RAB39A: variants seen among roughly 807,000 people sequenced by gnomAD.
RAB39A encodes RAB39A, member RAS oncogene family.
A neutral mutation model predicts 20.9 loss-of-function variants in RAB39A; 17 were observed. The observed-to-expected ratio is 0.81, with a 90% CI of 0.56 to 1.22. The LOEUF is 1.22. Ranked by LOEUF, RAB39A falls within the 50% of genes most tolerant of loss-of-function variation. RAB39A has a pLI of 0.00. For missense variants in RAB39A, 234 were observed against 270.5 expected, an observed-to-expected ratio of 0.87 and a Z score of 0.95; for synonymous variants, 99 against 103.4, an observed-to-expected ratio of 0.96 and a Z score of 0.26.
intron 1 of RAB39A, among the ~76,000 whole-genome samples, chr11:107,951,256 G>A (rs1861375950): frequency 6.6e-6 from 1 of 152,222 alleles, no homozygotes; most frequent in Non-Finnish European, 1.5e-5. Context: ...TGAAAACAGT[G>A]CTGAGGGCCA....
rs184098020 is a variant in RAB39A, at chr11:107,933,435, G to T, written c.227+4640G>T. ...TCACTCTGTCACCTGGGGCTGGAGT[G>T]CAGTGAAACGATCGGCTCACTGCAA... On this transcript the variant is annotated intron_variant, in intron 1 of 1. Transcript: ENST00000320578. 1.6e-3 allele frequency among the ~76,000 whole-genome samples: 198 copies of T among 125,206 alleles called. 2 individuals carry two copies. The highest frequency in any genetic ancestry group is 5.4e-3 in the African/African-American group (182 of 33,974). The allele number at this position is 125,206 out of a possible 152,430, so 82.1% of individuals were successfully genotyped here. A position where few individuals can be genotyped will look rare whatever the true frequency, so the allele number is the denominator to read the frequency against.
chr11:107,950,435 T>C (rs538417395), intron 1 of RAB39A, among the ~76,000 whole-genome samples: 4 of 152,148 alleles, frequency 2.6e-5, no homozygotes, highest in African/African-American at 4.8e-5. Flanking sequence ...GACTCATGCA[T>C]GCCCAGTGCA....
Position 107,951,744 on chromosome 11 carries a change from C to G in RAB39A, c.228-10202C>G, listed in dbSNP as rs1241219283. On this transcript the variant is annotated intron_variant, in intron 1 of 1. Coordinates refer to ENST00000320578, the MANE Select transcript of RAB39A (RefSeq NM_017516.3). ...AAGCGATCCTGCCACCTCGGACTCC[C>G]AAAGTACTGGGATTATAGGTCTGAG... Among the ~76,000 whole-genome samples, 9 of 151,486 alleles carry G rather than the reference C, an allele frequency of 5.9e-5. No homozygotes were observed. The South Asian group carries it at 1.5e-3, about 25-fold the overall frequency.
In RAB39A at chr11:107,962,648, A is replaced by T; in HGVS notation, c.*276A>T. On this transcript the variant is annotated 3_prime_UTR_variant, in exon 2 of 2. Coordinates refer to ENST00000320578, the MANE Select transcript of RAB39A (RefSeq NM_017516.3). ...CATACGCTGACCTTAGTGTCCAGATATGTCACTATTACTCATTTTTCTTGA... is the reference window on the plus strand; with the variant it reads ...CATACGCTGACCTTAGTGTCCAGATTTGTCACTATTACTCATTTTTCTTGA... 1 of 299,462 alleles carries T rather than the reference A, an allele frequency of 3.3e-6. No individual in the cohort carries two copies. The highest frequency in any genetic ancestry group is 6.2e-6 in the Non-Finnish European group (1 of 160,958). 18.6% of individuals were successfully genotyped at this position (299,462 alleles called of 1,614,324 possible). A position where few individuals can be genotyped will look rare whatever the true frequency, so the allele number is the denominator to read the frequency against.
In RAB39A at chr11:107,948,908, A is replaced by G. The variant is rs564986600; in HGVS notation, c.228-13038A>G. Among the ~76,000 whole-genome samples the G allele has an allele frequency of 5.9e-5, 9 of 152,262 alleles. No homozygotes were observed. In the South Asian group the frequency reaches 1.9e-3, roughly 32 times the overall value. ...TCGTTGTTGAGCCCTGGAGTACGCT[A>G]TGACTTTCTTTTCCTTTCCTGCACA... is the stretch of plus-strand genomic sequence containing the variant. On this transcript the variant is annotated intron_variant, in intron 1 of 1. Coordinates refer to ENST00000320578, the MANE Select transcript of RAB39A (RefSeq NM_017516.3).
chr11:107,929,432 A>T (rs1462319701), intron 1 of RAB39A, among the ~76,000 whole-genome samples: 1 of 152,000 alleles, frequency 6.6e-6, no homozygotes, highest in African/African-American at 2.4e-5. Context: ...ACCCGTGGGA[A>T]TGGGTCTTGT....
chr11:107,954,611 A>T (rs1433953036), intron 1 of RAB39A, among the ~76,000 whole-genome samples: 4 of 152,220 alleles, frequency 2.6e-5, no homozygotes, highest in African/African-American at 9.6e-5. Flanking sequence ...TTCTCCATTG[A>T]GCGTGGCTTA....
At chr11:107,935,882 C>T (rs191954474) in intron 1 of RAB39A, among the ~76,000 whole-genome samples, 216 of 148,252 alleles carry the variant, frequency 1.5e-3, no homozygotes, top group African/African-American at 5.2e-3. Flanking sequence ...GGGAACGCAG[C>T]CCAGCAAGTC....
intron 1 of RAB39A, among the ~76,000 whole-genome samples, chr11:107,936,242 G>C (rs905095795): frequency 6.6e-6 from 1 of 152,136 alleles, no homozygotes; most frequent in East Asian, 1.9e-4. Context: ...ACTCTGGTTC[G>C]AATGCCTCTG....
At chr11:107,951,014 G>C (rs1036690492) in intron 1 of RAB39A, among the ~76,000 whole-genome samples, 1 of 152,098 alleles carries the variant, frequency 6.6e-6, no homozygotes, top group Non-Finnish European at 1.5e-5. Flanking sequence ...TATTCAAATG[G>C]GAAATATGAC....
intron 1 of RAB39A, among the ~76,000 whole-genome samples, chr11:107,947,102 A>G (rs1300821047): frequency 2.6e-5 from 4 of 151,826 alleles, no homozygotes; most frequent in African/African-American, 9.7e-5. Context: ...AAAATAGAAA[A>G]AGATGATTTT....
At chr11:107,961,768 C>T (rs1424646170) in intron 1 of RAB39A, among the ~76,000 whole-genome samples, 178 bp from the exon 2 acceptor site, 7 of 152,150 alleles carry the variant, frequency 4.6e-5, no homozygotes, top group African/African-American at 1.7e-4. Context: ...GTGTATGAAA[C>T]TTGCGTATTA....
chr11:107,928,617 T>C lies in RAB39A; in HGVS notation c.49T>C (p.Ser17Pro). 1.3e-6 allele frequency: 2 copies of C among 1,599,850 alleles called. No individual in the cohort carries two copies. The highest frequency in any genetic ancestry group is 1.7e-6 in the Non-Finnish European group (2 of 1,169,644). The change falls in exon 1 of 2, where the codon TCC becomes CCC. Residue 17 changes from serine to proline, a missense_variant. Transcript: ENST00000320578. The surrounding 1 kb of genome is among the most constrained non-coding windows in gnomAD (Gnocchi z 4.9). ...GTTCCGCCTCATCGTGATCGGGGAC[T>C]CCACCGTGGGCAAGTCCTGCCTCCT... ...YQFRLIVIGD[S>P]TVGKSCLLHR... is the part of the protein sequence containing the mutation.
intron 1 of RAB39A, among the ~76,000 whole-genome samples, chr11:107,955,289 A>G (rs1483335008): frequency 3.3e-5 from 5 of 152,128 alleles, no homozygotes; most frequent in African/African-American, 9.6e-5. Flanking sequence ...GAGCCACTGC[A>G]CGCGGCCAAA....
At chr11:107,942,589 G>A (rs143235341) in intron 1 of RAB39A, among the ~76,000 whole-genome samples, 1 of 152,240 alleles carries the variant, frequency 6.6e-6, no homozygotes, top group East Asian at 1.9e-4. Flanking sequence ...CTTCCAAAGT[G>A]CTGCGATTAC....
At chr11:107,933,315 G>A (rs567857412) in intron 1 of RAB39A, among the ~76,000 whole-genome samples, 17 of 338 alleles carry the variant, frequency 0.05, no homozygotes, top group East Asian at 0.12. Context: ...ATATATATAT[G>A]TGTGTGTGTG....
chr11:107,952,942 G>T (rs1400470332), intron 1 of RAB39A, among the ~76,000 whole-genome samples: 1 of 152,190 alleles, frequency 6.6e-6, no homozygotes, highest in East Asian at 1.9e-4. Flanking sequence ...AATACCGTAT[G>T]ATTCCACCTA....
intron 1 of RAB39A, 94 bp from the exon 2 acceptor site, chr11:107,961,852 A>G (rs1286638861): frequency 1.0e-6 from 1 of 967,668 alleles, no homozygotes; most frequent in Non-Finnish European, 1.5e-6. Context: ...TCATATTAAG[A>G]TATCTTCAAA....
chr11:107,949,042 C>G (rs1406719733), intron 1 of RAB39A, among the ~76,000 whole-genome samples: 1 of 152,082 alleles, frequency 6.6e-6, no homozygotes, highest in Non-Finnish European at 1.5e-5. Context: ...GAATTTGGAG[C>G]CAGGCCAATG....
Sources: gnomAD v4.1 joint callset for allele counts (sites outside exome capture counted in the v4.1 genomes callset) on GRCh38, gnomAD v4.1.1 for gene constraint, Gnocchi (gnomAD v3.1) non-coding constraint, MANE v1.5 for transcripts, NCBI Gene and HGNC (gene_info 2026-07-23, HGNC 2026-07-21) for gene names.